The following DNAJC1 variants were observed in gnomAD, a reference collection of about 807,000 sequenced individuals.
The protein encoded by DNAJC1 is DnaJ heat shock protein family (Hsp40) member C1, also known as dnaJ homolog subfamily C member 1.
Under a neutral mutation model 76.6 loss-of-function variants are expected in DNAJC1, and 58 were observed. The observed-to-expected ratio is 0.76, with a 90% CI of 0.61 to 0.94. The LOEUF is 0.94. DNAJC1 is among the 40% of genes least tolerant of loss of function. The pLI, the probability that DNAJC1 is intolerant of heterozygous loss-of-function variation, is 0.00. For synonymous variants in DNAJC1, 258 were observed against 267.9 expected, an observed-to-expected ratio of 0.96 and a Z score of 0.36; for missense variants, 689 against 677.3, an observed-to-expected ratio of 1.02 and a Z score of -0.19.
At chr10:21,786,243 G>A (rs1834605652) in intron 9 of DNAJC1, among the ~76,000 whole-genome samples, 1 of 151,716 alleles carries the variant, frequency 6.6e-6, no homozygotes, top group African/African-American at 2.4e-5. Flanking sequence ...TGACACCTGA[G>A]TTACAATATG....
intron 8 of DNAJC1, among the ~76,000 whole-genome samples, chr10:21,868,654 C>G (rs1836050079): frequency 6.6e-6 from 1 of 151,904 alleles, no homozygotes; most frequent in Non-Finnish European, 1.5e-5. Context: ...AATGACAAAA[C>G]TGTAGAGAAT....
intron 8 of DNAJC1, among the ~76,000 whole-genome samples, chr10:21,849,481 T>A (rs999774079): frequency 2.0e-5 from 3 of 151,692 alleles, no homozygotes. Flanking sequence ...AAACAAAATG[T>A]CATTTTTTTA....
At chr10:21,849,044 C>A (rs1835705962) in intron 8 of DNAJC1, among the ~76,000 whole-genome samples, 1 of 152,030 alleles carries the variant, frequency 6.6e-6, no homozygotes, top group Non-Finnish European at 1.5e-5. Context: ...AATCCCAGTA[C>A]TTTGGGAGGC....
chr10:21,904,086 T>C lies in DNAJC1; in HGVS notation c.820+436A>G, dbSNP rs80209110. ...CTGATAATTTATACAAAGTTGTTCA[T>C]ACTATATAACAATATTGCAAATTAA... On this transcript the variant is annotated intron_variant, in intron 7 of 11. Transcript: ENST00000376980. Among the ~76,000 whole-genome samples the C allele has an allele frequency of 3.9e-3, 590 of 152,346 alleles. 5 individuals carry two copies. Among genetic ancestry groups the C allele is most frequent in the African/African-American group, 0.013 (558 of 41,576 alleles).
chr10:21,966,308 ATAAT>A (rs2131823331), intron 1 of DNAJC1, among the ~76,000 whole-genome samples: 1 of 152,206 alleles, frequency 6.6e-6, no homozygotes, highest in East Asian at 1.9e-4. Context: ...TTTTCCCTAT[ATAAT>A]TAATACTTAT....
At chr10:21,864,130 C>T (rs1035593637) in intron 8 of DNAJC1, among the ~76,000 whole-genome samples, 29 of 151,998 alleles carry the variant, frequency 1.9e-4, no homozygotes, top group African/African-American at 6.8e-4. Flanking sequence ...TTACTTAAGG[C>T]GGCAGGATCA....
chr10:21,769,940 C>T (rs1361403788), intron 9 of DNAJC1, among the ~76,000 whole-genome samples: 1 of 152,162 alleles, frequency 6.6e-6, no homozygotes, highest in East Asian at 1.9e-4. Flanking sequence ...CCCACCTCGG[C>T]CTCCCAAAGT....
At chr10:21,980,183 G>A (rs1278306355) in intron 1 of DNAJC1, among the ~76,000 whole-genome samples, 3 of 151,944 alleles carry the variant, frequency 2.0e-5, no homozygotes, top group Admixed American at 6.6e-5. Context: ...TCCAGATATT[G>A]AACAAACTAT....
intron 9 of DNAJC1, among the ~76,000 whole-genome samples, chr10:21,797,042 T>C (rs1333585317): frequency 6.6e-6 from 1 of 152,164 alleles, no homozygotes; most frequent in African/African-American, 2.4e-5. Context: ...TCATGAGGCT[T>C]TCTCCTATAT....
intron 1 of DNAJC1, among the ~76,000 whole-genome samples, chr10:21,944,674 G>C (rs1427463454): frequency 6.6e-6 from 1 of 152,136 alleles, no homozygotes; most frequent in Admixed American, 6.5e-5. Context: ...ATCTGCAAAG[G>C]AGAAAGAATC....
chr10:21,798,784 C>G (rs1834777121), intron 9 of DNAJC1, among the ~76,000 whole-genome samples: 1 of 152,220 alleles, frequency 6.6e-6, no homozygotes, highest in Admixed American at 6.5e-5. Context: ...TGTTTCTCCA[C>G]AGCTCCTTAG....
chr10:21,818,747 A>G lies in DNAJC1; in HGVS notation c.979-12648T>C, dbSNP rs913815076. 5.9e-5 allele frequency among the ~76,000 whole-genome samples: 9 copies of G among 152,328 alleles called. No homozygotes were observed. In the East Asian group the frequency reaches 1.7e-3, roughly 29 times the overall value. ...CCCGATAAAGAAAGAAATGAGTAAGACCCAACTTTTGCCATACTATTCAAA... is the reference window on the plus strand; with the variant it reads ...CCCGATAAAGAAAGAAATGAGTAAGGCCCAACTTTTGCCATACTATTCAAA... On this transcript the variant is annotated intron_variant, in intron 8 of 11. Transcript: ENST00000376980.
chr10:21,951,175 C>T (rs1837588476), intron 1 of DNAJC1, among the ~76,000 whole-genome samples: 2 of 152,088 alleles, frequency 1.3e-5, no homozygotes, highest in South Asian at 2.1e-4. Context: ...CAAAAATTAG[C>T]AGGGCGTTGT....
At chr10:21,898,699 T>C (rs985399620) in intron 7 of DNAJC1, among the ~76,000 whole-genome samples, 3 of 152,124 alleles carry the variant, frequency 2.0e-5, no homozygotes, top group Admixed American at 2.0e-4. Context: ...ATTATAGACA[T>C]GTGCCACCAC....
At chr10:21,880,706 C>T (rs576000458) in intron 8 of DNAJC1, among the ~76,000 whole-genome samples, 1 of 152,252 alleles carries the variant, frequency 6.6e-6, no homozygotes, top group South Asian at 2.1e-4. Context: ...TTTATTGTTC[C>T]ATTTATAGAG....
At chr10:21,949,468 G>C (rs1837556900) in intron 1 of DNAJC1, among the ~76,000 whole-genome samples, 2 of 130,946 alleles carry the variant, frequency 1.5e-5, no homozygotes, top group African/African-American at 5.9e-5. Context: ...CCAGGCTAGA[G>C]TGCAGTGGTG....
intron 1 of DNAJC1, among the ~76,000 whole-genome samples, chr10:21,997,682 AG>A (rs1838442943): frequency 6.6e-6 from 1 of 152,192 alleles, no homozygotes. Context: ...TCCTCTAAAC[AG>A]GCTAGCTAAT....
intron 9 of DNAJC1, among the ~76,000 whole-genome samples, chr10:21,799,633 C>A (rs1834790862): frequency 6.6e-6 from 1 of 151,998 alleles, no homozygotes; most frequent in South Asian, 2.1e-4. Flanking sequence ...TTTACATAGG[C>A]ATTTTTCCAA....
chr10:21,770,737 CT>C (rs1834364428), intron 9 of DNAJC1, among the ~76,000 whole-genome samples: 2 of 152,158 alleles, frequency 1.3e-5, no homozygotes, highest in African/African-American at 4.8e-5. Flanking sequence ...GGTACATATA[CT>C]TTTATCAGAC....
Sources: gnomAD v4.1 joint callset for allele counts (sites outside exome capture counted in the v4.1 genomes callset) on GRCh38, gnomAD v4.1.1 for gene constraint, MANE v1.5 for transcripts, NCBI Gene and HGNC (gene_info 2026-07-23, HGNC 2026-07-21) for gene names.